Variants in SCRN1 observed in about 807,000 individuals in gnomAD.
SCRN1 encodes secernin-1.
SCRN1 carries 19 observed loss-of-function variants against 43.3 expected under a neutral mutation model. That is an observed-to-expected ratio of 0.44 (90% CI 0.31 to 0.64). The LOEUF (loss-of-function observed/expected upper bound fraction) is 0.64. Ranked by LOEUF, SCRN1 falls within the 30% of genes least tolerant of loss-of-function variation. The pLI is 0.09. For missense variants in SCRN1, 447 were observed against 524.1 expected, an observed-to-expected ratio of 0.85 and a Z score of 1.44; for synonymous variants, 183 against 188.9, an observed-to-expected ratio of 0.97 and a Z score of 0.26.
At chr7:29,971,022 C>G (rs1037116269) in intron 1 of SCRN1, among the ~76,000 whole-genome samples, 2 of 152,228 alleles carry the variant, frequency 1.3e-5, no homozygotes, top group Non-Finnish European at 2.9e-5. Flanking sequence ...GCATTACAGG[C>G]ACTCAAGAAA....
At chr7:29,968,069 AC>A (rs1788553548) in intron 2 of SCRN1, among the ~76,000 whole-genome samples, 1 of 152,236 alleles carries the variant, frequency 6.6e-6, no homozygotes, top group South Asian at 2.1e-4. Flanking sequence ...AGAAATACTG[AC>A]AAAAATAGTA....
intron 1 of SCRN1, among the ~76,000 whole-genome samples, chr7:29,981,499 A>C (rs1005271965): frequency 6.6e-6 from 1 of 152,220 alleles, no homozygotes; most frequent in African/African-American, 2.4e-5. Context: ...CAGGGGAGTA[A>C]ATTAAGCACT....
chr7:29,981,780 T>C (rs1302524333), intron 1 of SCRN1, among the ~76,000 whole-genome samples: 1 of 152,208 alleles, frequency 6.6e-6, no homozygotes, highest in African/African-American at 2.4e-5. Context: ...TTCTTGGACA[T>C]AAAGAACCTC....
chr7:29,960,888 T>C (rs1168141366), intron 2 of SCRN1, among the ~76,000 whole-genome samples: 1 of 152,070 alleles, frequency 6.6e-6, no homozygotes, highest in African/African-American at 2.4e-5. Context: ...TTGATACCTA[T>C]TTATCCATCC....
At chr7:29,951,216 C>T (rs755023079) in intron 3 of SCRN1, among the ~76,000 whole-genome samples, 1 of 152,236 alleles carries the variant, frequency 6.6e-6, no homozygotes, top group Non-Finnish European at 1.5e-5. Flanking sequence ...CCAGCTGCAG[C>T]CTCGCACAGA....
At chr7:29,945,093 T>C (rs1477259415) in intron 3 of SCRN1, among the ~76,000 whole-genome samples, 1 of 152,178 alleles carries the variant, frequency 6.6e-6, no homozygotes, top group African/African-American at 2.4e-5. Context: ...TCTACATATT[T>C]CTCCTCCTGC....
intron 1 of SCRN1, among the ~76,000 whole-genome samples, chr7:29,987,833 C>G (rs1346326553): frequency 6.6e-6 from 1 of 152,172 alleles, no homozygotes; most frequent in Non-Finnish European, 1.5e-5. Context: ...GATATATGAT[C>G]TTGGCGTCCA....
chr7:29,962,557 ACATGCCTGTAATCCCAGCTACTT>A, intron 2 of SCRN1, among the ~76,000 whole-genome samples: 1 of 151,992 alleles, frequency 6.6e-6, no homozygotes, highest in Non-Finnish European at 1.5e-5. Flanking sequence ...CTATGGTGGC[ACATGCCTGTAATCCCAGCTACTT>A]GGGAGGCTGA....
At chr7:29,945,421 C>T (rs748495717) in intron 3 of SCRN1, among the ~76,000 whole-genome samples, 2 of 152,222 alleles carry the variant, frequency 1.3e-5, no homozygotes, top group East Asian at 3.8e-4. Flanking sequence ...GCTTCTTCCT[C>T]ATTTTCTCTT....
At chr7:29,974,658 T>C (rs1472151333) in intron 1 of SCRN1, among the ~76,000 whole-genome samples, 1 of 152,114 alleles carries the variant, frequency 6.6e-6, no homozygotes, top group African/African-American at 2.4e-5. Flanking sequence ...TTTTAAAATA[T>C]TTGTTTACAC....
intron 2 of SCRN1, among the ~76,000 whole-genome samples, chr7:29,959,536 C>G (rs754589364): frequency 6.6e-6 from 1 of 152,140 alleles, no homozygotes; most frequent in Non-Finnish European, 1.5e-5. Context: ...TCCCAAGTAG[C>G]TGGGACTAGA....
Position 29,921,018 on chromosome 7 carries a change from TC to T in SCRN1, c.*2938del, listed in dbSNP as rs1364224669. 4 of 152,696 alleles carry T rather than the reference TC, an allele frequency of 2.6e-5. No individual in the cohort carries two copies. Among genetic ancestry groups the T allele is most frequent in the African/African-American group, 7.2e-5 (3 of 41,468 alleles). The allele number at this position is 152,696 out of a possible 1,614,324, so 9.5% of individuals were successfully genotyped here. A position where few individuals can be genotyped will look rare whatever the true frequency, so the allele number is the denominator to read the frequency against. ...TACTATTTCTGCTTTGCTAATTTAC[TC>T]CTGCCAGAGCTTCTGTCCTTGAATA... On this transcript the variant is annotated 3_prime_UTR_variant, in exon 8 of 8. Coordinates refer to ENST00000242059, the MANE Select transcript of SCRN1 (RefSeq NM_014766.5).
In SCRN1 at chr7:29,924,091, T is replaced by G; in HGVS notation, c.1111A>C (p.Thr371Pro). ...CCTTGCTTCTCCAGCTCCAGCATGGTGCTCCTCAGCTTGCGACCTTGCTCC... is the reference window on the plus strand; with the variant it reads ...CCTTGCTTCTCCAGCTCCAGCATGGGGCTCCTCAGCTTGCGACCTTGCTCC... ...DQEQGRKLRS[T>P]MLELEKQGLE... is the part of the protein sequence containing the mutation. The change falls in exon 8 of 8, where the codon ACC becomes CCC. Residue 371 changes from threonine to proline, a missense_variant. Physicochemically the swap from Thr to Pro is conservative, Grantham distance 38 (BLOSUM62 -1). Coordinates refer to ENST00000242059, the MANE Select transcript of SCRN1 (RefSeq NM_014766.5). The G allele has an allele frequency of 1.2e-6, 2 of 1,613,382 alleles. No individual in the cohort carries two copies.
chr7:29,968,937 G>A lies in SCRN1; in HGVS notation c.131C>T (p.Ala44Val), dbSNP rs139836339. ...EVQEVVYFSA[A>V]DHEPESKVEC... ...AACCTTGCTCTCCGGTTCGTGATCAGCAGCCGAGAAATACACAACCTCTTG... is the reference window on the plus strand; with the variant it reads ...AACCTTGCTCTCCGGTTCGTGATCAACAGCCGAGAAATACACAACCTCTTG... The change falls in exon 2 of 8, where the codon GCT becomes GTT. Residue 44 changes from alanine to valine, a missense_variant. Coordinates refer to ENST00000242059, the MANE Select transcript of SCRN1 (RefSeq NM_014766.5). 9.2e-5 allele frequency: 149 copies of A among 1,614,156 alleles called. No homozygotes were observed. The African/African-American group carries it at 1.8e-3, about 19-fold the overall frequency.
At chr7:29,982,991 T>A (rs1429002465) in intron 1 of SCRN1, among the ~76,000 whole-genome samples, 1 of 151,728 alleles carries the variant, frequency 6.6e-6, no homozygotes, top group Non-Finnish European at 1.5e-5. Flanking sequence ...GGCATGCACC[T>A]CCATGCCCAG....
At position 29,965,599 on chromosome 7, in the gene SCRN1, C is replaced by G. The variant is rs1231697538; in HGVS notation, c.159+3310G>C. On this transcript the variant is annotated intron_variant, in intron 2 of 7. Transcript: ENST00000242059. This position sits in a 1 kb window ranked among gnomAD's most constrained non-coding sequence, Gnocchi z 4.2. ...GGGGGAAATGAATTTGCTTTCTTAC[C>G]CGTGAGGTTATTTCACCTGCAGAAT... Among the ~76,000 whole-genome samples the G allele has an allele frequency of 6.6e-6, 1 of 152,078 alleles. No individual in the cohort carries two copies. Among genetic ancestry groups the G allele is most frequent in the East Asian group, 1.9e-4 (1 of 5,198 alleles).
chr7:29,980,436 T>A (rs1331587200), intron 1 of SCRN1, among the ~76,000 whole-genome samples: 2 of 152,210 alleles, frequency 1.3e-5, no homozygotes, highest in Non-Finnish European at 2.9e-5. Context: ...CCACCATCTG[T>A]CTTCCTCTCC....
At chr7:29,963,045 A>T (rs751042531) in intron 2 of SCRN1, among the ~76,000 whole-genome samples, 2 of 135,096 alleles carry the variant, frequency 1.5e-5, no homozygotes, top group East Asian at 2.1e-4. Flanking sequence ...TCAATTCTTT[A>T]AAAAAAAAAA....
chr7:29,970,271 C>G (rs572338468), intron 1 of SCRN1, among the ~76,000 whole-genome samples: 1 of 152,316 alleles, frequency 6.6e-6, no homozygotes, highest in South Asian at 2.1e-4. Flanking sequence ...ACTCACCCCT[C>G]CACTCTCACA....
Sources: gnomAD v4.1 joint callset for allele counts (sites outside exome capture counted in the v4.1 genomes callset) on GRCh38, gnomAD v4.1.1 for gene constraint, Gnocchi (gnomAD v3.1) non-coding constraint, MANE v1.5 for transcripts, NCBI Gene and HGNC (gene_info 2026-07-23, HGNC 2026-07-21) for gene names.